The following CLUL1 variants were observed in gnomAD, a reference collection of about 807,000 sequenced individuals.
The protein encoded by CLUL1 is clusterin-like protein 1.
In CLUL1, 43 loss-of-function variants were observed where a neutral mutation model predicts 49.4. The ratio of observed to expected loss-of-function variants is 0.87; its 90% CI spans 0.68 to 1.12. CLUL1 has a LOEUF of 1.12. Among genes scored for constraint, CLUL1 ranks in the 50% most tolerant of loss-of-function variants. CLUL1 has a pLI of 0.00. For missense variants in CLUL1, 486 were observed against 544.4 expected (o/e 0.89, Z 1.07); for synonymous variants, 192 against 184.9 (o/e 1.04, Z -0.31).
rs1022057429 is a variant in CLUL1, at chr18:618,194, C to A, written c.106+88C>A. The stretch of plus-strand genomic sequence containing the variant: ...ATAGTGAGTCGCAGTTGAGAGATAA[C>A]CATATTCGCTGTTTTCACGGTGAAA... On this transcript the variant is annotated intron_variant, in intron 3 of 9. Coordinates refer to ENST00000692774, the MANE Select transcript of CLUL1 (RefSeq NM_001393344.1). This position sits in a 1 kb window ranked among gnomAD's most constrained non-coding sequence, Gnocchi z 4.2. The A allele has an allele frequency of 5.1e-6, 5 of 975,250 alleles. No individual in the cohort carries two copies. In the African/African-American group the frequency reaches 6.4e-5, roughly 12 times the overall value. The allele number at this position is 975,250 out of a possible 1,614,324, so 60.4% of individuals were successfully genotyped here.
chr18:617,167 A>C (rs1250419131), intron 2 of CLUL1, among the ~76,000 whole-genome samples: 2 of 152,216 alleles, frequency 1.3e-5, no homozygotes, highest in Non-Finnish European at 2.9e-5. Flanking sequence ...AGAAGAAAAA[A>C]TTTTAACTGT....
At position 645,807 on chromosome 18, in the gene CLUL1, AAAAATATATATATATATATATATAT is replaced by A. The variant is rs1224785195; in HGVS notation, c.1397+712_1397+736del. ...AGACTCTGTTTAAAAAAAAAAAAAA[AAAAATATATATATATATATATATAT>A]ATATATATATATATATATATGTTAA... is the stretch of plus-strand genomic sequence containing the variant. On this transcript the variant is annotated intron_variant, in intron 9 of 9. Transcript: ENST00000692774. Among the ~76,000 whole-genome samples, 5 of 69,160 alleles carry A rather than the reference AAAAATATATATATATATATATATAT, an allele frequency of 7.2e-5. 2 individuals are homozygous for A. The highest frequency in any genetic ancestry group is 7.9e-4 in the East Asian group (2 of 2,528). The allele number at this position is 69,160 out of a possible 152,430, so 45.4% of individuals were successfully genotyped here.
chr18:624,034 G>T (rs1051894351), intron 4 of CLUL1, among the ~76,000 whole-genome samples: 14 of 152,182 alleles, frequency 9.2e-5, no homozygotes, highest in Non-Finnish European at 2.9e-5. Flanking sequence ...TTGCAGGGAA[G>T]CCAGAGGTTT....
rs758691813 is a variant in CLUL1 at position 618,061 on chromosome 18, G to A, written c.61G>A (p.Ala21Thr). 17 of 1,614,092 alleles carry A rather than the reference G, an allele frequency of 1.1e-5. No individual in the cohort carries two copies. Among genetic ancestry groups the A allele is most frequent in the African/African-American group, 6.7e-5 (5 of 75,024 alleles). The change falls in exon 3 of 10, where the codon GCA becomes ACA. Residue 21 changes from alanine to threonine, a missense_variant. Physicochemically the swap from Ala to Thr is moderately conservative, Grantham distance 58. Coordinates refer to ENST00000692774, the MANE Select transcript of CLUL1 (RefSeq NM_001393344.1). This position sits in a 1 kb window ranked among gnomAD's most constrained non-coding sequence, Gnocchi z 4.2. ...GCTGTGGTTGAAAGACAGTCACTGC[G>A]CACCCACTTGGAAGGACAAAACTGC... ...CLLWLKDSHC[A>T]PTWKDKTAIS...
chr18:604,511 C>T (rs544576487), intron 1 of CLUL1, among the ~76,000 whole-genome samples: 45 of 152,248 alleles, frequency 3.0e-4, no homozygotes, highest in African/African-American at 1.0e-3. Context: ...GCAAGTACCA[C>T]AAAAAGAGTT....
intron 2 of CLUL1, among the ~76,000 whole-genome samples, 193 bp downstream of exon 2, chr18:607,292 C>T (rs2073001834): frequency 6.6e-6 from 1 of 152,058 alleles, no homozygotes; most frequent in Non-Finnish European, 1.5e-5. Flanking sequence ...CTACGTCCGG[C>T]TAATTTTTGT....
At chr18:645,773 G>C (rs1248080931) in intron 9 of CLUL1, among the ~76,000 whole-genome samples, 2 of 92,712 alleles carry the variant, frequency 2.2e-5, no homozygotes, top group Non-Finnish European at 3.8e-5. Flanking sequence ...CAGCCTGGGC[G>C]ACAGAGCGAG....
intron 7 of CLUL1, among the ~76,000 whole-genome samples, chr18:636,624 C>CTT (rs68150473): frequency 0.24 from 29,088 of 121,888 alleles, 3,564 homozygotes; most frequent in Non-Finnish European, 0.27. Flanking sequence ...CCCTTTCTCT[C>CTT]TTTTTTTTTT....
Position 633,418 on chromosome 18 carries a change from A to G in CLUL1, c.977A>G (p.Gln326Arg). The change falls in exon 7 of 10, where the codon CAG becomes CGG. Residue 326 changes from glutamine (Q) to arginine (R), a missense_variant. Physicochemically the swap from Gln to Arg is conservative, Grantham distance 43. Coordinates refer to ENST00000692774, the MANE Select transcript of CLUL1 (RefSeq NM_001393344.1). ...FKFHEKCQKC[Q>R]AHLSEDCPDV... ...TTTCATGAAAAATGCCAAAAATGTC[A>G]GGCTCACCTATCTGAAGGTAAATAA... The G allele has an allele frequency of 6.2e-7, 1 of 1,613,814 alleles. No homozygotes were observed. The highest frequency in any genetic ancestry group is 8.5e-7 in the Non-Finnish European group (1 of 1,179,774).
chr18:639,547 T>A (rs1304445402), intron 7 of CLUL1, among the ~76,000 whole-genome samples: 1 of 150,328 alleles, frequency 6.7e-6, no homozygotes, highest in Admixed American at 6.6e-5. Context: ...GGGCAATCAC[T>A]TAAGGCCAGG....
Position 645,808 on chromosome 18 carries a change from AAAATATATATATATATATAT to A in CLUL1, c.1397+713_1397+732del, listed in dbSNP as rs1433862532. Among the ~76,000 whole-genome samples, 56 of 56,910 alleles carry A rather than the reference AAAATATATATATATATATAT, an allele frequency of 9.8e-4. 6 individuals are homozygous for A. The highest frequency in any genetic ancestry group is 3.2e-3 in the African/African-American group (40 of 12,622). The allele number at this position is 56,910 out of a possible 152,430, so 37.3% of individuals were successfully genotyped here. ...GACTCTGTTTAAAAAAAAAAAAAAA[AAAATATATATATATATATAT>A]ATATATATATATATATATATATATG... On this transcript the variant is annotated intron_variant, in intron 9 of 9. Transcript: ENST00000692774.
chr18:647,447 G>A (rs939244786), intron 9 of CLUL1, among the ~76,000 whole-genome samples: 2 of 152,196 alleles, frequency 1.3e-5, no homozygotes, highest in Admixed American at 1.3e-4. Context: ...GAAGCTGGAC[G>A]TCTATGCCCA....
rs2073393662 is a variant in CLUL1 at position 618,955 on chromosome 18, G to A, written c.107-258G>A. Among the ~76,000 whole-genome samples, 1 of 151,930 alleles carries A rather than the reference G, an allele frequency of 6.6e-6. No homozygotes were observed. The highest frequency in any genetic ancestry group is 2.4e-5 in the African/African-American group (1 of 41,338). On this transcript the variant is annotated intron_variant, in intron 3 of 9. Transcript: ENST00000692774. The surrounding 1 kb of genome is among the most constrained non-coding windows in gnomAD (Gnocchi z 4.2). ...AAAAAAAATGGATAAATGAAAACAG[G>A]GCCTGAGCAAGATGACAAGAATGAG...
At chr18:611,541 C>T (rs543605556) in intron 2 of CLUL1, among the ~76,000 whole-genome samples, 127 of 152,144 alleles carry the variant, frequency 8.3e-4, no homozygotes, top group African/African-American at 3.0e-3. Context: ...AGCCACTGCA[C>T]TCTAGCCTGG....
chr18:614,695 C>G (rs953981116), intron 2 of CLUL1: 1 of 152,242 alleles, frequency 6.6e-6, no homozygotes, highest in East Asian at 1.9e-4. Flanking sequence ...CTTTTTGAGA[C>G]CTTACTGGTG....
intron 7 of CLUL1, among the ~76,000 whole-genome samples, chr18:634,318 G>T (rs1448586535): frequency 6.6e-6 from 1 of 151,938 alleles, no homozygotes; most frequent in Non-Finnish European, 1.5e-5. Flanking sequence ...TTTTTAGTAG[G>T]GACGAGGGTT....
chr18:599,191 T>C (rs1048846867), intron 1 of CLUL1, among the ~76,000 whole-genome samples: 1 of 152,232 alleles, frequency 6.6e-6, no homozygotes, highest in Admixed American at 6.5e-5. Flanking sequence ...TATTTTTACA[T>C]GTCTTTAAGT....
chr18:644,021 T>C (rs950052077), intron 8 of CLUL1, among the ~76,000 whole-genome samples: 1 of 152,194 alleles, frequency 6.6e-6, no homozygotes, highest in African/African-American at 2.4e-5. Flanking sequence ...TAAAGAAAAG[T>C]ACAAACCCAT....
intron 6 of CLUL1, among the ~76,000 whole-genome samples, chr18:631,787 T>A: frequency 6.6e-6 from 1 of 152,168 alleles, no homozygotes; most frequent in East Asian, 1.9e-4. Context: ...AAGATTAAAA[T>A]GGCAAGACCA....
Sources: gnomAD v4.1 joint callset for allele counts (sites outside exome capture counted in the v4.1 genomes callset) on GRCh38, gnomAD v4.1.1 for gene constraint, Gnocchi (gnomAD v3.1) non-coding constraint, MANE v1.5 for transcripts, NCBI Gene and HGNC (gene_info 2026-07-23, HGNC 2026-07-21) for gene names.